Variants in DLGAP1 observed in about 807,000 individuals in gnomAD.
The protein encoded by DLGAP1 is disks large-associated protein 1.
A neutral mutation model predicts 90.8 loss-of-function variants in DLGAP1; 11 were observed. The observed-to-expected ratio is 0.12, with a 90% CI of 0.08 to 0.20. DLGAP1 has a LOEUF of 0.20. Among genes scored for constraint, DLGAP1 ranks in the 10% least tolerant of loss-of-function variants. The probability of loss-of-function intolerance (pLI) is 1.00; values close to 1 mark genes in which losing one functional copy is unlikely to be tolerated. For synonymous variants in DLGAP1, 558 were observed against 540.7 expected (o/e 1.03, Z -0.44); for missense variants, 1,050 against 1,333.8 (o/e 0.79, Z 3.31).
chr18:4,225,126 C>G (rs2078158845), intron 1 of DLGAP1, among the ~76,000 whole-genome samples: 1 of 152,078 alleles, frequency 6.6e-6, no homozygotes, highest in Non-Finnish European at 1.5e-5. Context: ...TACCAAGAAC[C>G]ATGAAGGTAG....
intron 1 of DLGAP1, among the ~76,000 whole-genome samples, chr18:4,152,568 A>G (rs573965373): frequency 6.6e-6 from 1 of 152,366 alleles, no homozygotes; most frequent in South Asian, 2.1e-4. Flanking sequence ...GTTCAGGGCT[A>G]GTACAATTCT....
At chr18:4,267,263 T>C (rs1306275259) in intron 1 of DLGAP1, among the ~76,000 whole-genome samples, 1 of 151,990 alleles carries the variant, frequency 6.6e-6, no homozygotes. Flanking sequence ...CTGTGATTAA[T>C]GCTATGTCTT....
intron 1 of DLGAP1, among the ~76,000 whole-genome samples, chr18:4,231,291 T>C (rs2078294174): frequency 6.6e-6 from 1 of 152,164 alleles, no homozygotes; most frequent in African/African-American, 2.4e-5. Flanking sequence ...TCTTATGGTG[T>C]TTGCTCTCCA....
intron 2 of DLGAP1, among the ~76,000 whole-genome samples, chr18:4,105,093 G>A (rs2075837775): frequency 6.6e-6 from 1 of 152,174 alleles, no homozygotes; most frequent in African/African-American, 2.4e-5. Context: ...AAGGTCCACT[G>A]CATAAAAGAA....
chr18:3,927,456 T>C (rs1427530714), intron 3 of DLGAP1, among the ~76,000 whole-genome samples: 1 of 152,256 alleles, frequency 6.6e-6, no homozygotes, highest in African/African-American at 2.4e-5. Context: ...AATATATTCC[T>C]GTTAAATATA....
Position 3,974,715 on chromosome 18 carries a change from AAGG to A in DLGAP1, c.-73+30398_-73+30400del, listed in dbSNP as rs1448893061. Among the ~76,000 whole-genome samples the A allele has an allele frequency of 2.0e-5, 3 of 152,200 alleles. 1 individual carries two copies. Among genetic ancestry groups the A allele is most frequent in the Non-Finnish European group, 4.4e-5 (3 of 68,036 alleles). On this transcript the variant is annotated intron_variant, in intron 3 of 12. Coordinates refer to ENST00000315677, the MANE Select transcript of DLGAP1 (RefSeq NM_004746.4). Reference sequence around the variant, plus strand: ...TCAATGTCAAAAGACCTAACATAAAAAGGAGGTTTTAGGTGATTGAAACAGGGA... The same window carrying A: ...TCAATGTCAAAAGACCTAACATAAAAAGGTTTTAGGTGATTGAAACAGGGA...
At chr18:3,874,852 G>C in intron 4 of DLGAP1, 1 of 1,153,974 alleles carries the variant, frequency 8.7e-7, no homozygotes, top group East Asian at 2.6e-5. Flanking sequence ...CAGCTTGTGA[G>C]TGAGCACTTA....
At chr18:4,112,069 G>A (rs1275007805) in intron 2 of DLGAP1, among the ~76,000 whole-genome samples, 2 of 151,722 alleles carry the variant, frequency 1.3e-5, no homozygotes, top group East Asian at 3.9e-4. Flanking sequence ...GGCACTTACA[G>A]CTACAAACTT....
chr18:4,269,544 C>CG (rs1243165463), intron 1 of DLGAP1, among the ~76,000 whole-genome samples: 4 of 151,528 alleles, frequency 2.6e-5, no homozygotes, highest in Admixed American at 1.3e-4. Context: ...TTAGTAGAGA[C>CG]GGGGTTTCAC....
intron 1 of DLGAP1, among the ~76,000 whole-genome samples, chr18:4,255,856 T>A (rs1221644161): frequency 1.3e-5 from 2 of 152,222 alleles, no homozygotes; most frequent in African/African-American, 4.8e-5. Flanking sequence ...ATATTAGAGA[T>A]ATTTTATCTA....
intron 1 of DLGAP1, among the ~76,000 whole-genome samples, chr18:4,310,434 C>T (rs2080371693): frequency 6.6e-6 from 1 of 152,182 alleles, no homozygotes; most frequent in African/African-American, 2.4e-5. Flanking sequence ...AAGTTTCCCA[C>T]TTCATTCTTT....
At chr18:3,549,107 T>C (rs1003334603) in intron 9 of DLGAP1, among the ~76,000 whole-genome samples, 1 of 152,218 alleles carries the variant, frequency 6.6e-6, no homozygotes, top group Non-Finnish European at 1.5e-5. Flanking sequence ...CAGTTATATA[T>C]GCACAGTTTT....
intron 1 of DLGAP1, among the ~76,000 whole-genome samples, chr18:4,418,006 G>T (rs924331583): frequency 6.6e-6 from 1 of 152,106 alleles, no homozygotes; most frequent in Admixed American, 6.6e-5. Context: ...ACTTAAAGCT[G>T]GCGATAGAGC....
chr18:3,583,143 GACCTACCTACCTACCTACCTACCT>G (rs764967145), intron 7 of DLGAP1, among the ~76,000 whole-genome samples: 1,883 of 113,700 alleles, frequency 0.017, 26 homozygotes, highest in Non-Finnish European at 0.028. Flanking sequence ...CTGACTGACC[GACCTACCTACCTACCTACCTACCT>G]ACCTACCTAC....
intron 7 of DLGAP1, chr18:3,597,288 A>G (rs1327952554): frequency 4.1e-6 from 2 of 487,036 alleles, no homozygotes; most frequent in African/African-American, 2.0e-5. Flanking sequence ...AAAATCTGGA[A>G]TGGAATCACA....
intron 3 of DLGAP1, among the ~76,000 whole-genome samples, chr18:3,880,964 A>G (rs965698621): frequency 1.3e-5 from 2 of 150,724 alleles, no homozygotes; most frequent in African/African-American, 2.4e-5. Flanking sequence ...AAAAAAAAAA[A>G]AAAGAAAAAG....
intron 5 of DLGAP1, among the ~76,000 whole-genome samples, chr18:3,755,934 A>C (rs1375608004): frequency 6.6e-6 from 1 of 152,250 alleles, no homozygotes; most frequent in Non-Finnish European, 1.5e-5. Flanking sequence ...AGCCTGAATA[A>C]ATTTTAGAAG....
intron 8 of DLGAP1, among the ~76,000 whole-genome samples, chr18:3,574,135 T>C (rs2054969381): frequency 6.6e-6 from 1 of 152,230 alleles, no homozygotes; most frequent in Admixed American, 6.5e-5. Context: ...AAAGGTCATA[T>C]ACTATTCTCA....
At chr18:4,068,572 T>C (rs35856790) in intron 2 of DLGAP1, among the ~76,000 whole-genome samples, 59,182 of 151,956 alleles carry the variant, frequency 0.39, 12,680 homozygotes, top group Non-Finnish European at 0.49. Flanking sequence ...ACTATGCATT[T>C]TTAACGCATA....
Sources: allele counts gnomAD v4.1 joint callset (sites outside exome capture counted in the v4.1 genomes callset), GRCh38; gene constraint gnomAD v4.1.1; transcripts MANE v1.5; gene names NCBI Gene and HGNC (gene_info 2026-07-23, HGNC 2026-07-21).